TMEM117: variants seen among roughly 807,000 people sequenced by gnomAD.
The protein encoded by TMEM117 is transmembrane protein 117.
TMEM117 carries 27 observed loss-of-function variants against 52.4 expected under a neutral mutation model. The observed-to-expected ratio is 0.51, with a 90% CI of 0.38 to 0.71. TMEM117 has a LOEUF of 0.71. Among genes scored for constraint, TMEM117 ranks in the 30% least tolerant of loss-of-function variants. The pLI, the probability that TMEM117 is intolerant of heterozygous loss-of-function variation, is 0.00. For synonymous variants in TMEM117, 215 were observed against 206.3 expected, an observed-to-expected ratio of 1.04 and a Z score of -0.36; for missense variants, 556 against 630.5, an observed-to-expected ratio of 0.88 and a Z score of 1.26.
chr12:44,184,088 G>A (rs1471062985), intron 4 of TMEM117, among the ~76,000 whole-genome samples: 1 of 152,142 alleles, frequency 6.6e-6, no homozygotes, highest in East Asian at 1.9e-4. Context: ...GCTTCCACCT[G>A]TAATCCCAGC....
At chr12:43,928,923 CTCA>C (rs1638927345) in intron 2 of TMEM117, among the ~76,000 whole-genome samples, 1 of 151,840 alleles carries the variant, frequency 6.6e-6, no homozygotes, top group Non-Finnish European at 1.5e-5. Context: ...AGGACATGAA[CTCA>C]TCATTTTTTA....
chr12:44,239,372 C>T (rs1186254127), intron 5 of TMEM117, among the ~76,000 whole-genome samples: 3 of 152,114 alleles, frequency 2.0e-5, no homozygotes, highest in Non-Finnish European at 4.4e-5. Context: ...ACAACTGTAC[C>T]TGTGGCATTA....
At chr12:44,186,470 C>T (rs1306127255) in intron 4 of TMEM117, among the ~76,000 whole-genome samples, 1 of 152,154 alleles carries the variant, frequency 6.6e-6, no homozygotes, top group Non-Finnish European at 1.5e-5. Flanking sequence ...GCAGAGAGGG[C>T]AGCATACATG....
chr12:43,969,528 AT>A (rs150446559), intron 3 of TMEM117, among the ~76,000 whole-genome samples: 5,196 of 142,792 alleles, frequency 0.036, 124 homozygotes, highest in Middle Eastern at 0.076. Context: ...TATCAAAAAA[AT>A]AATAATAATA....
chr12:43,870,137 T>C (rs1178096022), intron 2 of TMEM117, among the ~76,000 whole-genome samples: 3 of 152,236 alleles, frequency 2.0e-5, no homozygotes, highest in Non-Finnish European at 4.4e-5. Flanking sequence ...ACATGGTATG[T>C]ATGTACCATA....
chr12:43,945,380 G>A (rs1297127720), intron 3 of TMEM117, among the ~76,000 whole-genome samples: 2 of 152,136 alleles, frequency 1.3e-5, no homozygotes, highest in South Asian at 2.1e-4. Flanking sequence ...GCAGTGACGC[G>A]ATCTCGGCTC....
chr12:44,013,671 T>G (rs1400493052), intron 3 of TMEM117, among the ~76,000 whole-genome samples: 1 of 152,172 alleles, frequency 6.6e-6, no homozygotes, highest in East Asian at 1.9e-4. Context: ...CCCTGGAGGT[T>G]TTAGCTCTCA....
Position 43,971,877 on chromosome 12 carries a change from C to T in TMEM117, c.410+27535C>T, listed in dbSNP as rs183779671. Among the ~76,000 whole-genome samples the T allele has an allele frequency of 1.5e-3, 228 of 152,250 alleles. 1 individual carries two copies. Among genetic ancestry groups the T allele is most frequent in the Non-Finnish European group, 2.6e-3 (174 of 68,022 alleles). On this transcript the variant is annotated intron_variant, in intron 3 of 7. Transcript: ENST00000266534. ...ACCTAATCATCTTGAATAACGAAAA[C>T]CTTATACTCATTGATTAGTAACTTC...
At position 43,844,909 on chromosome 12, in the gene TMEM117, G is replaced by T. The variant is rs943987838; in HGVS notation, c.258G>T (p.Leu86=). The change falls in exon 2 of 8, where the codon CTG becomes CTT. Residue 86 remains leucine (L), a synonymous_variant. Coordinates refer to ENST00000266534, the MANE Select transcript of TMEM117 (RefSeq NM_032256.3). ...CAGGACTAATAGCTGGCAAATTTCT[G>T]TTCCATCAGCGTTTGTTTGGTAAGT... ...ILTGLIAGKF[L]FHQRLFGQLL... The T allele has an allele frequency of 6.2e-7, 1 of 1,613,170 alleles. No individual in the cohort carries two copies.
intron 2 of TMEM117, among the ~76,000 whole-genome samples, chr12:43,866,469 G>A (rs953337185): frequency 1.2e-4 from 18 of 149,498 alleles, no homozygotes; most frequent in African/African-American, 4.6e-4. Context: ...CAGCTACTTG[G>A]GAGACTGAGG....
chr12:43,912,250 A>G (rs548220531), intron 2 of TMEM117, among the ~76,000 whole-genome samples: 1 of 142,726 alleles, frequency 7.0e-6, no homozygotes, highest in African/African-American at 2.5e-5. Flanking sequence ...CGCAAAAACA[A>G]AAAACCAAAC....
intron 3 of TMEM117, among the ~76,000 whole-genome samples, chr12:44,113,861 T>C (rs1190264368): frequency 1.3e-4 from 8 of 59,328 alleles, no homozygotes; most frequent in African/African-American, 4.0e-4. Flanking sequence ...ATCAGCGAGA[T>C]TCCGTGGGCG....
chr12:43,873,210 C>G lies in TMEM117; in HGVS notation c.277+28282C>G, dbSNP rs899057421. ...ATAATACTTAGTGAATTTGAGTTCT[C>G]AAAGTACTGACTTACAGTTTAAATA... On this transcript the variant is annotated intron_variant, in intron 2 of 7. Transcript: ENST00000266534. Among the ~76,000 whole-genome samples, 8 of 152,134 alleles carry G rather than the reference C, an allele frequency of 5.3e-5. No homozygotes were observed. In the South Asian group the frequency reaches 1.5e-3, roughly 28 times the overall value.
chr12:44,182,318 C>T (rs1023615630), intron 4 of TMEM117, among the ~76,000 whole-genome samples: 2 of 152,112 alleles, frequency 1.3e-5, no homozygotes, highest in South Asian at 2.1e-4. Context: ...AATTTGACTT[C>T]CTCTTTTCCT....
intron 5 of TMEM117, among the ~76,000 whole-genome samples, chr12:44,218,280 A>G (rs994726725): frequency 5.9e-5 from 9 of 152,056 alleles, no homozygotes; most frequent in African/African-American, 2.2e-4. Context: ...TAAAAAGATC[A>G]TGCACCATGA....
At chr12:44,152,842 A>G (rs552608797) in intron 4 of TMEM117, among the ~76,000 whole-genome samples, 1 of 144,742 alleles carries the variant, frequency 6.9e-6, no homozygotes, top group Non-Finnish European at 1.5e-5. Flanking sequence ...TTGTATTTAT[A>G]TAAATACAAT....
chr12:43,832,670 C>G (rs1942989545), upstream of TMEM117, among the ~76,000 whole-genome samples: 1 of 152,152 alleles, frequency 6.6e-6, no homozygotes, highest in African/African-American at 2.4e-5. Context: ...TCTCTTTCCT[C>G]TTATATGGGG....
chr12:44,236,850 TG>T (rs1288157351), intron 5 of TMEM117, among the ~76,000 whole-genome samples: 1 of 152,082 alleles, frequency 6.6e-6, no homozygotes, highest in East Asian at 1.9e-4. Flanking sequence ...AAAGCTGGGA[TG>T]GGAGTTCACG....
At chr12:43,957,152 G>A (rs1287162426) in intron 3 of TMEM117, among the ~76,000 whole-genome samples, 1 of 152,096 alleles carries the variant, frequency 6.6e-6, no homozygotes, top group Non-Finnish European at 1.5e-5. Flanking sequence ...GGGGCCTGTT[G>A]GGGAAGAGTG....
Sources: allele counts gnomAD v4.1 joint callset (sites outside exome capture counted in the v4.1 genomes callset), GRCh38; gene constraint gnomAD v4.1.1; transcripts MANE v1.5; gene names NCBI Gene and HGNC (gene_info 2026-07-23, HGNC 2026-07-21).